MROH2B: variants seen among roughly 807,000 people sequenced by gnomAD.
MROH2B encodes maestro heat like repeat family member 2B, also known as maestro heat-like repeat-containing protein family member 2B.
In MROH2B, 177 loss-of-function variants were observed where a neutral mutation model predicts 208.6. That is an observed-to-expected ratio of 0.85 (90% CI 0.75 to 0.96). The LOEUF (loss-of-function observed/expected upper bound fraction) is 0.96, where lower values mean the gene tolerates loss of function less well. Ranked by LOEUF, MROH2B falls within the 40% of genes least tolerant of loss-of-function variation. MROH2B has a pLI of 0.00. For synonymous variants in MROH2B, 728 were observed against 659.0 expected (o/e 1.10, Z -1.60); for missense variants, 2,002 against 1,878.7 (o/e 1.07, Z -1.21).
At chr5:41,005,754 G>C (rs1741568055) in intron 34 of MROH2B, 109 bp from the exon 35 acceptor site, 1 of 938,012 alleles carries the variant, frequency 1.1e-6, no homozygotes, top group African/African-American at 1.6e-5. Context: ...TGCTTGGCTG[G>C]GGGTGGTGGC....
chr5:41,033,293 C>A, intron 22 of MROH2B, 133 bp from the exon 23 acceptor site: 3 of 1,266,806 alleles, frequency 2.4e-6, no homozygotes, highest in Non-Finnish European at 3.3e-6. Flanking sequence ...ATCTCTACTC[C>A]AGACTAGGGT....
At chr5:41,054,666 T>C in intron 11 of MROH2B, 101 bp downstream of exon 11, 1 of 832,540 alleles carries the variant, frequency 1.2e-6, no homozygotes, top group Non-Finnish European at 1.8e-6. Context: ...GACCACAGAG[T>C]TCTTTATAAA....
Position 41,014,587 on chromosome 5 carries a change from AAAAC to A in MROH2B, c.2982+790_2982+793del, listed in dbSNP as rs199615808. Among the ~76,000 whole-genome samples, 1,111 of 152,242 alleles carry A rather than the reference AAAAC, an allele frequency of 7.3e-3. 10 individuals are homozygous for A. Among genetic ancestry groups the A allele is most frequent in the African/African-American group, 0.023 (960 of 41,538 alleles). ...TGTACCCTAGAACTTAAAATATAATAAAACAAACAAACAAACAAAAAAACCAAGT... is the reference window on the plus strand; with the variant it reads ...TGTACCCTAGAACTTAAAATATAATAAAACAAACAAACAAAAAAACCAAGT... On this transcript the variant is annotated intron_variant, in intron 29 of 41. Coordinates refer to ENST00000399564, the MANE Select transcript of MROH2B (RefSeq NM_173489.5).
intron 24 of MROH2B, among the ~76,000 whole-genome samples, chr5:41,021,472 C>T (rs1561283765): frequency 6.6e-6 from 1 of 152,090 alleles, no homozygotes; most frequent in Non-Finnish European, 1.5e-5. Context: ...TCTAGAGACC[C>T]CAAATAGCCA....
rs779723416 is a variant in MROH2B at position 41,058,195 on chromosome 5, G to T, written c.624C>A (p.Ser208Arg). Residue 208 changes from serine to arginine, a missense_variant, in exon 7 of 42, where the codon AGC becomes AGA. Physicochemically the swap from Ser to Arg is moderately radical, Grantham distance 110 (BLOSUM62 -1). Transcript: ENST00000399564. ...APLASPMQTLSIVKAHGPTVS... is the reference protein window; with the variant it reads ...APLASPMQTLRIVKAHGPTVS... ...CCGTGGGCCCGTGGGCCTTAACGAT[G>T]CTCAAAGTCTGTACAGGCAGCAAAC... 4 of 1,577,552 alleles carry T rather than the reference G, an allele frequency of 2.5e-6. No homozygotes were observed. The East Asian group carries it at 9.2e-5, about 36-fold the overall frequency.
Position 41,033,833 on chromosome 5 carries a change from C to A in MROH2B, c.2241+5G>T. The A allele has an allele frequency of 6.8e-7, 1 of 1,477,792 alleles. No individual in the cohort carries two copies. Among genetic ancestry groups the A allele is most frequent in the Non-Finnish European group, 9.2e-7 (1 of 1,084,468 alleles). 91.5% of individuals were successfully genotyped at this position (1,477,792 alleles called of 1,614,324 possible). On this transcript the variant is annotated splice_donor_5th_base_variant and intron_variant, in intron 22 of 41. Transcript: ENST00000399564. ...TCTATCTATCTATCTATCTATCTCT[C>A]CTACCTTGTTCATCACAGACATGCC... is the stretch of plus-strand genomic sequence containing the variant.
At chr5:41,021,359 T>C (rs1393190464) in intron 24 of MROH2B, among the ~76,000 whole-genome samples, 1 of 152,222 alleles carries the variant, frequency 6.6e-6, no homozygotes, top group Non-Finnish European at 1.5e-5. Flanking sequence ...TAGATCTTAA[T>C]ATCATTAAGA....
chr5:41,016,784 A>G (rs1030606084), intron 28 of MROH2B, among the ~76,000 whole-genome samples: 5 of 152,030 alleles, frequency 3.3e-5, no homozygotes, highest in African/African-American at 1.2e-4. Context: ...CCAGCCTGGA[A>G]TGGTTCTTTA....
chr5:41,049,021 T>A, intron 15 of MROH2B, 80 bp downstream of exon 15: 1 of 1,370,214 alleles, frequency 7.3e-7, no homozygotes, highest in Non-Finnish European at 1.0e-6. Flanking sequence ...TCTATGTAAT[T>A]TATATTAGCA....
At chr5:40,999,650 G>A (rs758007201) in intron 40 of MROH2B, 27 bp downstream of exon 40, 1 of 1,579,132 alleles carries the variant, frequency 6.3e-7, no homozygotes, top group South Asian at 1.1e-5. Flanking sequence ...AGACATATCT[G>A]GGTAGGAAAT....
chr5:41,057,088 C>T (rs1743478522), intron 9 of MROH2B, 21 bp downstream of exon 9: 2 of 1,613,068 alleles, frequency 1.2e-6, no homozygotes, highest in African/African-American at 2.7e-5. Flanking sequence ...TTATTAAAAG[C>T]CTTCTGGATG....
rs1249377158 is a variant in MROH2B, at chr5:41,032,341, A to T, written c.2441+401T>A. Among the ~76,000 whole-genome samples the T allele has an allele frequency of 2.0e-5, 3 of 152,136 alleles. No homozygotes were observed. In the South Asian group the frequency reaches 6.2e-4, roughly 31 times the overall value. ...GCAGGGTGAAAATATTATTTTTAAA[A>T]TATGCCAAAAAGTATTTCCTTTTTC... On this transcript the variant is annotated intron_variant, in intron 24 of 41. Coordinates refer to ENST00000399564, the MANE Select transcript of MROH2B (RefSeq NM_173489.5).
At chr5:41,061,191 C>T (rs1325203365) in intron 6 of MROH2B, among the ~76,000 whole-genome samples, 1 of 152,164 alleles carries the variant, frequency 6.6e-6, no homozygotes, top group Non-Finnish European at 1.5e-5. Flanking sequence ...TGACTCAGCT[C>T]ATATATGAGT....
chr5:41,049,004 T>C, intron 15 of MROH2B, 97 bp downstream of exon 15: 1 of 1,181,192 alleles, frequency 8.5e-7, no homozygotes, highest in Non-Finnish European at 1.2e-6. Flanking sequence ...TCTTTTTGTT[T>C]GGAGTATCTA....
intron 25 of MROH2B, 31 bp downstream of exon 25, chr5:41,018,852 G>C (rs770811116): frequency 1.9e-6 from 3 of 1,613,754 alleles, no homozygotes; most frequent in East Asian, 2.2e-5. Flanking sequence ...ACTGCAGACT[G>C]TCATCCTACT....
At chr5:41,040,347 T>C (rs1046767735) in intron 19 of MROH2B, among the ~76,000 whole-genome samples, 5 of 152,192 alleles carry the variant, frequency 3.3e-5, no homozygotes, top group African/African-American at 1.2e-4. Context: ...AATTTGTTCC[T>C]GAAACCTGTT....
chr5:41,019,343 T>TGAGAGAGA (rs143190915), intron 24 of MROH2B, among the ~76,000 whole-genome samples: 2 of 144,104 alleles, frequency 1.4e-5, no homozygotes, highest in African/African-American at 4.9e-5. Flanking sequence ...TGTGTGTGTG[T>TGAGAGAGA]GAGAGAGAGT....
chr5:41,032,843 T>C, intron 23 of MROH2B, 22 bp from the exon 24 acceptor site: 2 of 1,603,218 alleles, frequency 1.2e-6, no homozygotes, highest in East Asian at 2.2e-5. Flanking sequence ...ATAAGGAGAT[T>C]AAATGTTTCA....
Position 41,015,560 on chromosome 5 carries a change from A to G in MROH2B, c.2885-82T>C, listed in dbSNP as rs528704594. The G allele has an allele frequency of 1.7e-4, 212 of 1,224,362 alleles. No homozygotes were observed. In the African/African-American group the frequency reaches 2.9e-3, roughly 17 times the overall value. The allele number at this position is 1,224,362 out of a possible 1,614,324, so 75.8% of individuals were successfully genotyped here. A position where few individuals can be genotyped will look rare whatever the true frequency, so the allele number is the denominator to read the frequency against. ...GAGGCTGGCTATATTTTGATATGACACTAAATTAGCTGCTGTCTGATGAGA... is the reference window on the plus strand; with the variant it reads ...GAGGCTGGCTATATTTTGATATGACGCTAAATTAGCTGCTGTCTGATGAGA... On this transcript the variant is annotated intron_variant, in intron 28 of 41. Transcript: ENST00000399564.
Sources: gnomAD v4.1 joint callset for allele counts (sites outside exome capture counted in the v4.1 genomes callset) on GRCh38, gnomAD v4.1.1 for gene constraint, MANE v1.5 for transcripts, NCBI Gene and HGNC (gene_info 2026-07-23, HGNC 2026-07-21) for gene names.